The following C4orf36 variants were observed in gnomAD, a reference collection of about 807,000 sequenced individuals.
C4orf36 encodes uncharacterized protein C4orf36.
Under a neutral mutation model 12.2 loss-of-function variants are expected in C4orf36, and 11 were observed. The ratio of observed to expected loss-of-function variants is 0.90; its 90% confidence interval spans 0.57 to 1.49. The LOEUF (loss-of-function observed/expected upper bound fraction) is 1.49, where lower values mean the gene tolerates loss of function less well. Ranked by LOEUF, C4orf36 falls within the 40% of genes most tolerant of loss-of-function variation. The pLI is 0.00. For synonymous variants in C4orf36, 54 were observed against 51.3 expected (o/e 1.05, Z -0.22); for missense variants, 137 against 133.9 (o/e 1.02, Z -0.11).
intron 4 of C4orf36, 116 bp from the exon 5 acceptor site, chr4:86,876,559 C>T: frequency 6.2e-7 from 1 of 1,613,904 alleles, no homozygotes; most frequent in African/African-American, 1.3e-5. Context: ...TTACAAGGAC[C>T]TTTAGCCCAT....
the C4orf36 span, among the ~76,000 whole-genome samples, chr4:86,921,522 C>T: frequency 6.6e-6 from 1 of 152,088 alleles, no homozygotes; most frequent in Non-Finnish European, 1.5e-5. Context: ...CTTTTTTCCC[C>T]CATGATTTAA....
At chr4:86,934,135 G>A in the C4orf36 span, among the ~76,000 whole-genome samples, 2 of 152,098 alleles carry the variant, frequency 1.3e-5, no homozygotes, top group African/African-American at 4.8e-5. Flanking sequence ...TAAGTAAGGC[G>A]CTTTTCTTCA....
the C4orf36 span, chr4:86,935,144 G>C: frequency 6.6e-6 from 1 of 152,282 alleles, no homozygotes; most frequent in Non-Finnish European, 1.5e-5. Flanking sequence ...CCCCTGCGTC[G>C]TCCGCACTTG....
At chr4:86,892,115 TG>T in intron 1 of C4orf36, 67 bp downstream of exon 1, 1 of 985,316 alleles carries the variant, frequency 1.0e-6, no homozygotes, top group East Asian at 1.1e-4. Flanking sequence ...CCGGGACGGG[TG>T]GGGGCCTCGG....
intron 4 of C4orf36, among the ~76,000 whole-genome samples, chr4:86,884,986 C>G (rs995638778): frequency 6.6e-6 from 1 of 152,122 alleles, no homozygotes; most frequent in African/African-American, 2.4e-5. Flanking sequence ...TCGTTTTTGT[C>G]AGGTTTGTCA....
At chr4:86,895,769 A>T (rs1747575785), upstream of C4orf36, among the ~76,000 whole-genome samples, 1 of 151,862 alleles carries the variant, frequency 6.6e-6, no homozygotes, top group Admixed American at 6.6e-5. Flanking sequence ...ATCTCTATTG[A>T]TGTCTCTATA....
At chr4:86,903,191 G>C in the C4orf36 span, among the ~76,000 whole-genome samples, 1 of 152,198 alleles carries the variant, frequency 6.6e-6, no homozygotes, top group African/African-American at 2.4e-5. Flanking sequence ...GAGATTTATT[G>C]CTTTAAAATA....
the C4orf36 span, among the ~76,000 whole-genome samples, chr4:86,927,170 A>G: frequency 3.9e-5 from 6 of 152,210 alleles, no homozygotes; most frequent in Non-Finnish European, 7.3e-5. Context: ...TACCCTGCCC[A>G]GGCTTGTTGA....
At chr4:86,918,794 CTGTGTGTTGTGTGTGCGTGTGTGTG>C in the C4orf36 span, among the ~76,000 whole-genome samples, 1 of 113,462 alleles carries the variant, frequency 8.8e-6, no homozygotes, top group African/African-American at 3.1e-5. Context: ...ACAGAACCAA[CTGTGTGTTGTGTGTGCGTGTGTGTG>C]TGTGTGTGTG....
At chr4:86,887,030 G>A (rs1292830457) in intron 4 of C4orf36, 3 of 151,588 alleles carry the variant, frequency 2.0e-5, no homozygotes, top group South Asian at 4.2e-4. Flanking sequence ...ACCAAACACC[G>A]CATGTTCTCA....
chr4:86,923,283 G>T, the C4orf36 span, among the ~76,000 whole-genome samples: 6 of 151,570 alleles, frequency 4.0e-5, no homozygotes, highest in Non-Finnish European at 7.4e-5. Context: ...TAGAGATGGG[G>T]TCTCACTATG....
chr4:86,891,950 C>T (rs1747433047), intron 1 of C4orf36: 2 of 982,600 alleles, frequency 2.0e-6, no homozygotes, highest in Non-Finnish European at 2.4e-6. Flanking sequence ...CCACCCGCCC[C>T]GGCCCGGGCA....
Position 86,876,353 on chromosome 4 carries a change from G to T in C4orf36, c.*93C>A. On this transcript the variant is annotated 3_prime_UTR_variant, in exon 5 of 5. Transcript: ENST00000295898. ...GCCAGGATGGCTGCAGCGCAGCGACGGCCGGGGCCGGGAGCGGGTCCTGGG... is the reference window on the plus strand; with the variant it reads ...GCCAGGATGGCTGCAGCGCAGCGACTGCCGGGGCCGGGAGCGGGTCCTGGG... 1.3e-6 allele frequency: 2 copies of T among 1,566,936 alleles called. No homozygotes were observed. The highest frequency in any genetic ancestry group is 1.7e-6 in the Non-Finnish European group (2 of 1,158,732).
At chr4:86,914,774 C>A in the C4orf36 span, 1 of 446,834 alleles carries the variant, frequency 2.2e-6, no homozygotes, top group Non-Finnish European at 4.4e-6. Flanking sequence ...CTGTTCCAGG[C>A]ACGATAGGTG....
At chr4:86,914,248 T>G in the C4orf36 span, 1 of 1,602,998 alleles carries the variant, frequency 6.2e-7, no homozygotes, top group Non-Finnish European at 8.5e-7. Context: ...ACACCATCTT[T>G]CTGACTCCAG....
chr4:86,908,432 T>A, the C4orf36 span, among the ~76,000 whole-genome samples: 1 of 149,298 alleles, frequency 6.7e-6, no homozygotes, highest in Non-Finnish European at 1.5e-5. Flanking sequence ...GCTACTTTCG[T>A]TTCTCTATTT....
the C4orf36 span, chr4:86,925,984 C>T: frequency 6.7e-6 from 1 of 150,040 alleles, no homozygotes; most frequent in African/African-American, 2.5e-5. Context: ...TGAAGCAATT[C>T]TCCTGCCTCA....
chr4:86,895,941 A>T (rs1033852728), upstream of C4orf36, among the ~76,000 whole-genome samples: 14 of 152,352 alleles, frequency 9.2e-5, no homozygotes, highest in African/African-American at 2.9e-4. Flanking sequence ...ACCTAGTGTT[A>T]ACACTAAAGC....
chr4:86,885,037 G>A (rs890083699), intron 4 of C4orf36, among the ~76,000 whole-genome samples: 1 of 152,006 alleles, frequency 6.6e-6, no homozygotes, highest in African/African-American at 2.4e-5. Flanking sequence ...ATTTCTGAGG[G>A]CTCTGTTCCA....
Sources: allele counts gnomAD v4.1 joint callset (sites outside exome capture counted in the v4.1 genomes callset), GRCh38; gene constraint gnomAD v4.1.1; transcripts MANE v1.5; gene names NCBI Gene and HGNC (gene_info 2026-07-23, HGNC 2026-07-21).